The following VAV3 variants were observed in gnomAD, a reference collection of about 807,000 sequenced individuals.
VAV3 encodes the protein vav guanine nucleotide exchange factor 3.
VAV3 carries 94 observed loss-of-function variants against 131.2 expected under a neutral mutation model. The ratio of observed to expected loss-of-function variants is 0.72; its 90% CI spans 0.61 to 0.85. The LOEUF (loss-of-function observed/expected upper bound fraction) is 0.85. VAV3 is among the 40% of genes least tolerant of loss of function. VAV3 has a pLI of 0.00. For synonymous variants in VAV3, 349 were observed against 342.0 expected (o/e 1.02, Z -0.22); for missense variants, 939 against 1,002.7 (o/e 0.94, Z 0.86).
intron 2 of VAV3, among the ~76,000 whole-genome samples, chr1:107,798,742 AAAG>A (rs1666684074): frequency 4.8e-5 from 7 of 146,154 alleles, no homozygotes; most frequent in African/African-American, 1.5e-4. Context: ...AAAAAAAAAA[AAAG>A]AAGAACATGC....
intron 2 of VAV3, among the ~76,000 whole-genome samples, chr1:107,790,185 G>T (rs1666215292): frequency 6.6e-6 from 1 of 152,220 alleles, no homozygotes; most frequent in Non-Finnish European, 1.5e-5. Flanking sequence ...ACCCTGAAAA[G>T]GTGGCCAGCC....
intron 1 of VAV3, among the ~76,000 whole-genome samples, chr1:107,884,827 C>T (rs1432965393): frequency 6.6e-6 from 1 of 151,914 alleles, no homozygotes; most frequent in Non-Finnish European, 1.5e-5. Context: ...AGAAAGCTTG[C>T]AAGGTTCTCT....
At chr1:107,596,071 T>C in intron 25 of VAV3, 141 bp downstream of exon 25, 2 of 1,117,572 alleles carry the variant, frequency 1.8e-6, no homozygotes. Context: ...CTGACTCTGC[T>C]TAACTCCAGA....
chr1:107,618,375 GCAAGATGAGATTT>G (rs1391405446), intron 20 of VAV3, among the ~76,000 whole-genome samples: 4 of 152,254 alleles, frequency 2.6e-5, no homozygotes, highest in Admixed American at 2.0e-4. Context: ...TGTCTTTCTA[GCAAGATGAGATTT>G]CAAGATGTGA....
intron 1 of VAV3, among the ~76,000 whole-genome samples, chr1:107,944,105 C>G (rs768624780): frequency 1.3e-5 from 2 of 152,218 alleles, no homozygotes; most frequent in Non-Finnish European, 2.9e-5. Flanking sequence ...CTCTTTCCTA[C>G]TGAGTGAAAA....
chr1:107,909,494 T>C (rs1344977029), intron 1 of VAV3, among the ~76,000 whole-genome samples: 1 of 152,182 alleles, frequency 6.6e-6, no homozygotes, highest in Non-Finnish European at 1.5e-5. Flanking sequence ...ATTTCCATTA[T>C]CAACAATAAG....
intron 2 of VAV3, among the ~76,000 whole-genome samples, chr1:107,831,653 A>C (rs1668253032): frequency 6.6e-6 from 1 of 152,162 alleles, no homozygotes; most frequent in African/African-American, 2.4e-5. Flanking sequence ...CCTTCCTTGC[A>C]CATTTATGAG....
At chr1:107,861,718 T>C (rs1222801987) in intron 2 of VAV3, among the ~76,000 whole-genome samples, 1 of 151,514 alleles carries the variant, frequency 6.6e-6, no homozygotes, top group Non-Finnish European at 1.5e-5. Flanking sequence ...AATATGCAGC[T>C]ACTTTAAAAG....
At position 107,705,028 on chromosome 1, in the gene VAV3, A is replaced by G. The variant is rs763100161; in HGVS notation, c.1536T>C (p.Asn512=). Residue 512 remains asparagine, a synonymous_variant, in exon 16 of 27, where the codon AAT becomes AAC. Coordinates refer to ENST00000370056, the MANE Select transcript of VAV3 (RefSeq NM_006113.5). The part of the protein sequence containing the change: ...SNIRPDYADS[N]FHDFKMHTFT... ...AGGTATGCATCTTGAAGTCGTGGAA[A>G]TTGGAGTCTGCATAGTCTGGTCTTA... 1 of 1,613,870 alleles carries G rather than the reference A, an allele frequency of 6.2e-7. No individual in the cohort carries two copies. Among genetic ancestry groups the G allele is most frequent in the Admixed American group, 1.7e-5 (1 of 59,996 alleles).
chr1:107,860,016 G>A (rs1669662761), intron 2 of VAV3, among the ~76,000 whole-genome samples: 1 of 152,014 alleles, frequency 6.6e-6, no homozygotes, highest in African/African-American at 2.4e-5. Context: ...AGTATTTAGG[G>A]GACAAATGTC....
intron 1 of VAV3, among the ~76,000 whole-genome samples, chr1:107,877,868 G>A (rs914852917): frequency 1.3e-5 from 2 of 152,066 alleles, no homozygotes; most frequent in Non-Finnish European, 2.9e-5. Flanking sequence ...TGCGAGCCTA[G>A]TGTTATTCAC....
intron 1 of VAV3, among the ~76,000 whole-genome samples, chr1:107,893,181 C>T (rs1671392641): frequency 6.6e-6 from 1 of 152,084 alleles, no homozygotes; most frequent in Non-Finnish European, 1.5e-5. Flanking sequence ...AGTAGTATAA[C>T]TTTATTTAGT....
chr1:107,749,880 G>T (rs1225419135), intron 13 of VAV3, among the ~76,000 whole-genome samples: 1 of 152,126 alleles, frequency 6.6e-6, no homozygotes, highest in Non-Finnish European at 1.5e-5. Flanking sequence ...GGCCAAGTGA[G>T]ATAAGCCATA....
At chr1:107,628,813 C>G (rs1041632403) in intron 20 of VAV3, among the ~76,000 whole-genome samples, 5 of 152,118 alleles carry the variant, frequency 3.3e-5, no homozygotes, top group African/African-American at 1.2e-4. Context: ...ATTTTATAAA[C>G]AGGTCATAAA....
At chr1:107,777,360 G>T in intron 3 of VAV3, 64 bp from the exon 4 acceptor site, 1 of 1,433,972 alleles carries the variant, frequency 7.0e-7, no homozygotes, top group Non-Finnish European at 9.8e-7. Context: ...CAACAATCAG[G>T]CTGCGCACTT....
intron 1 of VAV3, among the ~76,000 whole-genome samples, chr1:107,883,562 T>C (rs533141527): frequency 6.6e-6 from 1 of 152,304 alleles, no homozygotes; most frequent in East Asian, 1.9e-4. Context: ...AATGTGTCTT[T>C]TTAAACTTAC....
At chr1:107,778,518 A>C (rs1462739123) in intron 3 of VAV3, among the ~76,000 whole-genome samples, 1 of 152,200 alleles carries the variant, frequency 6.6e-6, no homozygotes, top group Non-Finnish European at 1.5e-5. Context: ...TATACATAGA[A>C]AGCTGCCAAA....
At chr1:107,659,237 A>AGCAT (rs902675667) in intron 19 of VAV3, among the ~76,000 whole-genome samples, 2 of 152,182 alleles carry the variant, frequency 1.3e-5, no homozygotes, top group African/African-American at 4.8e-5. Flanking sequence ...CTGGAGGCTA[A>AGCAT]GCATTTTTAT....
intron 20 of VAV3, among the ~76,000 whole-genome samples, chr1:107,620,738 C>T (rs1653522938): frequency 6.6e-6 from 1 of 151,926 alleles, no homozygotes. Context: ...TGCAATGTCA[C>T]AAAGCAGAGA....
Sources: allele counts gnomAD v4.1 joint callset (sites outside exome capture counted in the v4.1 genomes callset), GRCh38; gene constraint gnomAD v4.1.1; transcripts MANE v1.5; gene names NCBI Gene and HGNC (gene_info 2026-07-23, HGNC 2026-07-21).